Variants in STAU1 observed in about 807,000 individuals in gnomAD.
The protein encoded by STAU1 is staufen double-stranded RNA binding protein 1.
Under a neutral mutation model 62.9 loss-of-function variants are expected in STAU1, and 13 were observed. The observed-to-expected ratio is 0.21, with a 90% CI of 0.13 to 0.33. The LOEUF is 0.33. Ranked by LOEUF, STAU1 falls within the 10% of genes least tolerant of loss-of-function variation. The pLI, the probability that STAU1 is intolerant of heterozygous loss-of-function variation, is 1.00. For synonymous variants in STAU1, 269 were observed against 265.1 expected (o/e 1.01, Z -0.14); for missense variants, 571 against 712.1 (o/e 0.80, Z 2.25).
At chr20:49,121,943 T>G (rs1341801136) in intron 8 of STAU1, among the ~76,000 whole-genome samples, 2 of 152,216 alleles carry the variant, frequency 1.3e-5, no homozygotes, top group African/African-American at 4.8e-5. Flanking sequence ...TTCCCTGGCC[T>G]GGGACTAAAT....
Position 49,123,136 on chromosome 20 carries a change from G to A in STAU1, c.922C>T (p.Leu308Phe). The part of the protein sequence containing the change: ...KKEKEPEYTL[L>F]TERGLPRRRE... ...CGGCGCGGGAGGCCTCGCTCTGTGA[G>A]GAGCGTGTACTCTGGCTCCTTCTCC... The change falls in exon 8 of 14, where the codon CTC (leucine) becomes TTC (phenylalanine). Residue 308 changes from leucine (L) to phenylalanine (F), a missense_variant. Leu to Phe is a conservative substitution (Grantham distance 22). This residue lies in a region of STAU1 where 414 missense variants were observed against 499.6 expected (regional missense o/e 0.83). Transcript: ENST00000371856. 6.2e-7 allele frequency: 1 copy of A among 1,613,866 alleles called. No homozygotes were observed. The highest frequency in any genetic ancestry group is 1.7e-5 in the Admixed American group (1 of 59,968).
In STAU1 at chr20:49,117,301, G is replaced by A. The variant is rs1463623259; in HGVS notation, c.1510-53C>T. The A allele has an allele frequency of 1.3e-6, 2 of 1,598,670 alleles. No individual in the cohort carries two copies. Among genetic ancestry groups the A allele is most frequent in the Admixed American group, 3.4e-5 (2 of 58,986 alleles). The stretch of plus-strand genomic sequence containing the variant: ...GGTAGGGAACAGCAAGTATGAGTGG[G>A]CTGGAGGGCTGCAGCTCCAGGCCCC... On this transcript the variant is annotated intron_variant, in intron 11 of 13. Transcript: ENST00000371856. The surrounding 1 kb of genome is among the most constrained non-coding windows in gnomAD (Gnocchi z 4.6).
At chr20:49,203,191 G>A in the STAU1 span, among the ~76,000 whole-genome samples, 4 of 152,236 alleles carry the variant, frequency 2.6e-5, no homozygotes, top group East Asian at 7.7e-4. Flanking sequence ...TTAGGAGCCC[G>A]AGGCGGGCAG....
chr20:49,198,377 G>A, the STAU1 span, among the ~76,000 whole-genome samples: 5 of 151,942 alleles, frequency 3.3e-5, no homozygotes, highest in African/African-American at 1.2e-4. Flanking sequence ...AGCTGGGTGT[G>A]TGCCTGTTAT....
intron 1 of STAU1, among the ~76,000 whole-genome samples, chr20:49,186,283 T>C (rs765983800): frequency 1.3e-5 from 2 of 151,192 alleles, no homozygotes; most frequent in Non-Finnish European, 3.0e-5. Context: ...GTGGCAGAGG[T>C]TGAAATGAGC....
At chr20:49,179,917 G>A (rs954471953) in intron 1 of STAU1, among the ~76,000 whole-genome samples, 1 of 152,190 alleles carries the variant, frequency 6.6e-6, no homozygotes, top group African/African-American at 2.4e-5. Flanking sequence ...GGTAGCCTCA[G>A]TTGAGGTTAA....
intron 6 of STAU1, 74 bp downstream of exon 6, chr20:49,135,759 G>C: frequency 9.3e-7 from 1 of 1,079,784 alleles, no homozygotes; most frequent in Non-Finnish European, 1.4e-6. Flanking sequence ...TGATATTTAG[G>C]GGAAAAAATA....
intron 8 of STAU1, among the ~76,000 whole-genome samples, chr20:49,121,335 G>A (rs1448396001): frequency 6.6e-6 from 1 of 151,700 alleles, no homozygotes; most frequent in Non-Finnish European, 1.5e-5. Flanking sequence ...TTGAACCTGG[G>A]AGGCAGAGGT....
chr20:49,132,031 CT>C (rs374636346), intron 6 of STAU1, among the ~76,000 whole-genome samples: 390 of 144,608 alleles, frequency 2.7e-3, no homozygotes, highest in Admixed American at 2.6e-3. Flanking sequence ...TGGATGCACT[CT>C]TTTTTTTTTT....
At chr20:49,209,726 A>G in the STAU1 span, among the ~76,000 whole-genome samples, 2 of 147,714 alleles carry the variant, frequency 1.4e-5, no homozygotes, top group African/African-American at 5.0e-5. Context: ...CTGGGCAACA[A>G]GAGCAAAACT....
At chr20:49,164,273 G>A (rs2093493155) in intron 3 of STAU1, among the ~76,000 whole-genome samples, 1 of 151,956 alleles carries the variant, frequency 6.6e-6, no homozygotes, top group Non-Finnish European at 1.5e-5. Flanking sequence ...AATTACAGGT[G>A]TGAACCACCT....
chr20:49,172,719 A>C (rs2093612600), intron 2 of STAU1, among the ~76,000 whole-genome samples: 1 of 152,152 alleles, frequency 6.6e-6, no homozygotes, highest in African/African-American at 2.4e-5. Context: ...AATCAGATCA[A>C]ACTTCTGAGA....
In STAU1 at chr20:49,135,040, T is replaced by C; in HGVS notation, c.609+793A>G. ...GAAGGGAGCCCGGGCAGCCGCCATC[T>C]CCAGAGCCCTGGGCAGCATTTTCCA... is the stretch of plus-strand genomic sequence containing the variant. On this transcript the variant is annotated intron_variant, in intron 6 of 13. Transcript: ENST00000371856. 4.0e-6 allele frequency: 6 copies of C among 1,507,872 alleles called. No homozygotes were observed. In the Admixed American group the frequency reaches 1.0e-4, roughly 25 times the overall value. 93.4% of individuals were successfully genotyped at this position (1,507,872 alleles called of 1,614,324 possible). A position where few individuals can be genotyped will look rare whatever the true frequency, so the allele number is the denominator to read the frequency against.
the STAU1 span, among the ~76,000 whole-genome samples, chr20:49,207,963 C>G: frequency 5.3e-5 from 8 of 152,216 alleles, no homozygotes; most frequent in Middle Eastern, 0.01. Context: ...TCACTGTAAC[C>G]GCTGCCTCCC....
chr20:49,118,150 G>A, intron 10 of STAU1, 54 bp from the exon 11 acceptor site: 2 of 1,552,978 alleles, frequency 1.3e-6, no homozygotes, highest in South Asian at 1.1e-5. Flanking sequence ...CTGGAAAAAC[G>A]CAATGACACC....
the STAU1 span, among the ~76,000 whole-genome samples, chr20:49,197,926 C>T: frequency 1.3e-5 from 2 of 152,110 alleles, no homozygotes; most frequent in Admixed American, 6.6e-5. Context: ...TCAGGCTGGT[C>T]TCTAACTCCT....
chr20:49,167,351 G>C (rs2093540184), intron 2 of STAU1, among the ~76,000 whole-genome samples: 1 of 151,988 alleles, frequency 6.6e-6, no homozygotes, highest in Admixed American at 6.6e-5. Context: ...TTTTTTTTAA[G>C]TATCAAAATG....
At chr20:49,172,549 G>C (rs376469128) in intron 2 of STAU1, among the ~76,000 whole-genome samples, 4 of 152,286 alleles carry the variant, frequency 2.6e-5, no homozygotes, top group African/African-American at 9.6e-5. Flanking sequence ...ATGGTTAACA[G>C]GCTTTTCCTT....
chr20:49,158,985 A>G (rs144538583), intron 3 of STAU1: 172 of 1,301,180 alleles, frequency 1.3e-4, no homozygotes, highest in Non-Finnish European at 1.6e-4. Context: ...CTCCTTTATT[A>G]TATGTTCTGC....
Sources: gnomAD v4.1 joint callset for allele counts (sites outside exome capture counted in the v4.1 genomes callset) on GRCh38, gnomAD v4.1.1 for gene constraint, gnomAD v4.1.1 regional missense constraint, Gnocchi (gnomAD v3.1) non-coding constraint, MANE v1.5 for transcripts, NCBI Gene and HGNC (gene_info 2026-07-23, HGNC 2026-07-21) for gene names.